The following PAFAH1B1 variants were observed in gnomAD, a reference collection of about 807,000 sequenced individuals.
PAFAH1B1 encodes platelet-activating factor acetylhydrolase IB subunit beta.
Under a neutral mutation model 57.5 loss-of-function variants are expected in PAFAH1B1, and 2 were observed. That is an observed-to-expected ratio of 0.03 (90% CI 0.01 to 0.11). The LOEUF is 0.11. PAFAH1B1 is among the 10% of genes least tolerant of loss of function. The pLI is 1.00. For missense variants in PAFAH1B1, 257 were observed against 512.0 expected, an observed-to-expected ratio of 0.50 and a Z score of 4.81; for synonymous variants, 152 against 169.6, an observed-to-expected ratio of 0.90 and a Z score of 0.81.
chr17:2,673,144 C>T (rs1243705254), intron 7 of PAFAH1B1, among the ~76,000 whole-genome samples: 2 of 152,062 alleles, frequency 1.3e-5, no homozygotes, highest in East Asian at 3.9e-4. Flanking sequence ...GCAGTCACTT[C>T]GACTTTAACC....
intron 1 of PAFAH1B1, among the ~76,000 whole-genome samples, chr17:2,622,398 G>A (rs930709333): frequency 6.6e-6 from 1 of 152,196 alleles, no homozygotes; most frequent in Non-Finnish European, 1.5e-5. Flanking sequence ...GGTAAATGCA[G>A]CCATTCCAAA....
At chr17:2,636,449 C>T (rs2068625693) in intron 1 of PAFAH1B1, among the ~76,000 whole-genome samples, 1 of 151,904 alleles carries the variant, frequency 6.6e-6, no homozygotes, top group Non-Finnish European at 1.5e-5. Flanking sequence ...GGCTCATGTT[C>T]GTTTTTCGTT....
chr17:2,598,943 G>T (rs533949378), intron 1 of PAFAH1B1, among the ~76,000 whole-genome samples: 1 of 152,126 alleles, frequency 6.6e-6, no homozygotes. Context: ...GAATTTAATT[G>T]ATATTTATGA....
intron 1 of PAFAH1B1, among the ~76,000 whole-genome samples, chr17:2,626,623 T>C (rs2151626870): frequency 7.8e-6 from 1 of 128,966 alleles, no homozygotes; most frequent in African/African-American, 2.8e-5. Context: ...GGCGCGATCT[T>C]GGCTCACTGC....
At chr17:2,609,713 T>C (rs1355177601) in intron 1 of PAFAH1B1, 1 of 152,124 alleles carries the variant, frequency 6.6e-6, no homozygotes, top group Non-Finnish European at 1.5e-5. Context: ...GGTTTTACCA[T>C]GTTGGCCAGG....
At chr17:2,606,400 T>G (rs961224874) in intron 1 of PAFAH1B1, among the ~76,000 whole-genome samples, 2 of 152,124 alleles carry the variant, frequency 1.3e-5, no homozygotes, top group African/African-American at 4.8e-5. Flanking sequence ...AGTTTCACTC[T>G]TGTCGCCCAG....
At chr17:2,619,235 C>T (rs1444915086) in intron 1 of PAFAH1B1, among the ~76,000 whole-genome samples, 1 of 152,054 alleles carries the variant, frequency 6.6e-6, no homozygotes, top group African/African-American at 2.4e-5. Flanking sequence ...TCACTGTAGA[C>T]TCCAACTCCT....
Position 2,670,256 on chromosome 17 carries a change from C to T in PAFAH1B1, c.493C>T (p.Leu165=), listed in dbSNP as rs1416027410. The T allele has an allele frequency of 6.2e-7, 1 of 1,614,102 alleles. No homozygotes were observed. Among genetic ancestry groups the T allele is most frequent in the African/African-American group, 1.3e-5 (1 of 74,946 alleles). Residue 165 remains leucine, a synonymous_variant, in exon 6 of 11, where the codon CTG becomes TTG. Coordinates refer to ENST00000397195, the MANE Select transcript of PAFAH1B1 (RefSeq NM_000430.4). ...TTCATTCGACCACAGCGGCAAGCTT[C>T]TGGCTTCCTGTTCTGCAGATATGAC... is the stretch of plus-strand genomic sequence containing the variant. The part of the protein sequence containing the change: ...DISFDHSGKL[L]ASCSADMTIK...
chr17:2,601,719 G>A (rs538242357), intron 1 of PAFAH1B1, among the ~76,000 whole-genome samples: 1 of 152,152 alleles, frequency 6.6e-6, no homozygotes, highest in African/African-American at 2.4e-5. Flanking sequence ...TGGGATTACA[G>A]GCATGCACCA....
chr17:2,593,619 C>CGGCGG, upstream of PAFAH1B1: 2 of 200,116 alleles, frequency 1.0e-5, 1 homozygote, highest in South Asian at 2.0e-4. Flanking sequence ...GGCGGCGGCG[C>CGGCGG]GGTGACGTCA....
intron 1 of PAFAH1B1, among the ~76,000 whole-genome samples, chr17:2,626,711 A>C (rs2068498850): frequency 2.0e-5 from 3 of 151,588 alleles, no homozygotes; most frequent in African/African-American, 7.3e-5. Context: ...CGTGCCACCA[A>C]GCCCGGCTAA....
intron 10 of PAFAH1B1, chr17:2,681,019 G>A (rs976206813): frequency 6.3e-6 from 1 of 158,908 alleles, no homozygotes; most frequent in Non-Finnish European, 1.4e-5. Flanking sequence ...AGGAGTTCTG[G>A]GTTACAGTGT....
chr17:2,681,979 T>C lies in PAFAH1B1; in HGVS notation c.*177T>C. 1.7e-6 allele frequency: 1 copy of C among 581,948 alleles called. No homozygotes were observed. The highest frequency in any genetic ancestry group is 3.0e-6 in the Non-Finnish European group (1 of 328,440). 36.0% of individuals were successfully genotyped at this position (581,948 alleles called of 1,614,324 possible). On this transcript the variant is annotated 3_prime_UTR_variant, in exon 11 of 11. Transcript: ENST00000397195. The stretch of plus-strand genomic sequence containing the variant: ...GTATTCATGCATGGTGAATCCAAAT[T>C]GTATACTGTAAATTTACATACGTTG...
intron 2 of PAFAH1B1, among the ~76,000 whole-genome samples, chr17:2,651,054 C>G (rs1158851084): frequency 6.6e-6 from 1 of 152,020 alleles, no homozygotes; most frequent in African/African-American, 2.4e-5. Context: ...GTTTTCATTT[C>G]TTTTTATAGT....
intron 1 of PAFAH1B1, among the ~76,000 whole-genome samples, chr17:2,610,788 T>C (rs1275205463): frequency 6.6e-6 from 1 of 152,234 alleles, no homozygotes; most frequent in African/African-American, 2.4e-5. Context: ...TATTATCCTC[T>C]TCAACATCTT....
At chr17:2,596,037 C>T (rs1226627968) in intron 1 of PAFAH1B1, among the ~76,000 whole-genome samples, 2 of 152,156 alleles carry the variant, frequency 1.3e-5, no homozygotes, top group African/African-American at 4.8e-5. Context: ...GTTGCTACAA[C>T]TAAGTCATTT....
At chr17:2,625,842 G>A (rs2068482567) in intron 1 of PAFAH1B1, among the ~76,000 whole-genome samples, 1 of 152,140 alleles carries the variant, frequency 6.6e-6, no homozygotes, top group South Asian at 2.1e-4. Context: ...GGAGGCTAAG[G>A]TAGGAGGATC....
intron 2 of PAFAH1B1, among the ~76,000 whole-genome samples, chr17:2,663,449 T>TG (rs2069048658): frequency 6.6e-6 from 1 of 152,038 alleles, no homozygotes; most frequent in Non-Finnish European, 1.5e-5. Context: ...ATGCAGGGGC[T>TG]CACTCACAGC....
chr17:2,680,580 A>G (rs1316921386), intron 10 of PAFAH1B1, among the ~76,000 whole-genome samples: 3 of 152,224 alleles, frequency 2.0e-5, no homozygotes, highest in African/African-American at 7.2e-5. Flanking sequence ...CAATTTGTGA[A>G]GAGGTTACTT....
Sources: gnomAD v4.1 joint callset for allele counts (sites outside exome capture counted in the v4.1 genomes callset) on GRCh38, gnomAD v4.1.1 for gene constraint, MANE v1.5 for transcripts, NCBI Gene and HGNC (gene_info 2026-07-23, HGNC 2026-07-21) for gene names.